The following SORBS2 variants were observed in gnomAD, a reference collection of about 807,000 sequenced individuals.
SORBS2 encodes sorbin and SH3 domain containing 2.
A neutral mutation model predicts 97.7 loss-of-function variants in SORBS2; 46 were observed. The ratio of observed to expected loss-of-function variants is 0.47; its 90% CI spans 0.37 to 0.60. SORBS2 has a LOEUF of 0.60. Among genes scored for constraint, SORBS2 ranks in the 20% least tolerant of loss-of-function variants. The pLI, the probability that SORBS2 is intolerant of heterozygous loss-of-function variation, is 0.00. For missense variants in SORBS2, 1,316 were observed against 1,282.3 expected (o/e 1.03, Z -0.40); for synonymous variants, 476 against 473.4 (o/e 1.01, Z -0.07).
chr4:185,623,160 C>A lies in SORBS2; in HGVS notation c.1969G>T (p.Asp657Tyr). The A allele has an allele frequency of 1.2e-6, 2 of 1,614,104 alleles. No homozygotes were observed. Among genetic ancestry groups the A allele is most frequent in the Non-Finnish European group, 1.7e-6 (2 of 1,180,026 alleles). ...ATGAGGCGGTGCAGGATGCTGTTGTCCGGCAAGCTCCCCCTTTTCTTTTCA... is the reference window on the plus strand; with the variant it reads ...ATGAGGCGGTGCAGGATGCTGTTGTACGGCAAGCTCCCCCTTTTCTTTTCA... The change falls in exon 7 of 15, where the codon GAC becomes TAC. Residue 657 changes from aspartate (D) to tyrosine (Y), a missense_variant. By Grantham distance (160) the Asp-to-Tyr change is radical (BLOSUM62 -3). Coordinates refer to ENST00000418609, the Ensembl canonical transcript of SORBS2. This position sits in a 1 kb window ranked among gnomAD's most constrained non-coding sequence, Gnocchi z 6.4.
At chr4:185,680,390 G>A (rs2097852225) in intron 2 of SORBS2, among the ~76,000 whole-genome samples, 1 of 152,068 alleles carries the variant, frequency 6.6e-6, no homozygotes, top group Non-Finnish European at 1.5e-5. Context: ...AATACAGTTT[G>A]ACAAAAAATA....
At chr4:185,825,204 T>C (rs1163986979) in intron 1 of SORBS2, among the ~76,000 whole-genome samples, 1 of 82,408 alleles carries the variant, frequency 1.2e-5, no homozygotes, top group East Asian at 2.3e-4. Flanking sequence ...CATTTTGTTC[T>C]GTTTTTTGTT....
At chr4:185,739,677 C>G (rs2098710447) in intron 2 of SORBS2, among the ~76,000 whole-genome samples, 1 of 152,098 alleles carries the variant, frequency 6.6e-6, no homozygotes, top group Non-Finnish European at 1.5e-5. Context: ...TTTTTAAAAT[C>G]TAAAAATGCA....
intron 1 of SORBS2, among the ~76,000 whole-genome samples, chr4:185,842,901 C>G (rs1279404557): frequency 2.1e-5 from 3 of 144,978 alleles, no homozygotes; most frequent in Non-Finnish European, 4.5e-5. Flanking sequence ...CACCACTGTA[C>G]TCCAGCCTGG....
intron 1 of SORBS2, among the ~76,000 whole-genome samples, chr4:185,911,765 G>A (rs1236841479): frequency 2.6e-5 from 4 of 152,268 alleles, no homozygotes; most frequent in Admixed American, 2.6e-4. Context: ...TTTATGTCAG[G>A]TCCACAGATG....
chr4:185,586,776 GATAA>G (rs1180432040), exon 15 of SORBS2: 3 of 152,424 alleles, frequency 2.0e-5, no homozygotes, highest in African/African-American at 7.3e-5. Flanking sequence ...CATTTTTTCA[GATAA>G]ATAAAACACT....
intron 1 of SORBS2, among the ~76,000 whole-genome samples, chr4:185,654,780 A>G (rs2153464190): frequency 6.8e-6 from 1 of 148,094 alleles, no homozygotes; most frequent in Middle Eastern, 3.5e-3. Context: ...TTTTGCATGA[A>G]AAATAGCTAC....
chr4:185,742,095 T>G (rs2153586436), intron 2 of SORBS2, among the ~76,000 whole-genome samples: 1 of 152,374 alleles, frequency 6.6e-6, no homozygotes, highest in East Asian at 1.9e-4. Flanking sequence ...GCTTGTTTTC[T>G]CTGCTAATTC....
At chr4:185,768,690 C>T (rs971373328) in intron 2 of SORBS2, among the ~76,000 whole-genome samples, 1 of 126,760 alleles carries the variant, frequency 7.9e-6, no homozygotes, top group Non-Finnish European at 1.6e-5. Context: ...CAGAGTGAGA[C>T]TCTGTCTCAA....
chr4:185,933,149 G>A (rs2099267272), intron 1 of SORBS2: 2 of 152,182 alleles, frequency 1.3e-5, no homozygotes. Context: ...CTCAAGGGAG[G>A]TCTGAGTCAC....
At chr4:185,890,345 T>A (rs1020971403) in intron 1 of SORBS2, among the ~76,000 whole-genome samples, 9 of 152,206 alleles carry the variant, frequency 5.9e-5, no homozygotes, top group African/African-American at 2.2e-4. Context: ...GGCTAACATC[T>A]ATGGAATTCT....
At chr4:185,785,414 C>A (rs562052356) in intron 1 of SORBS2, among the ~76,000 whole-genome samples, 16 of 152,240 alleles carry the variant, frequency 1.1e-4, no homozygotes, top group South Asian at 4.1e-4. Flanking sequence ...GATTAAGTAT[C>A]ATGAATGGAA....
intron 1 of SORBS2, among the ~76,000 whole-genome samples, chr4:185,850,531 A>G (rs2099217255): frequency 6.6e-6 from 1 of 152,144 alleles, no homozygotes; most frequent in African/African-American, 2.4e-5. Context: ...CCTACATCAA[A>G]ATAGGGACTT....
At chr4:185,757,189 G>T in intron 2 of SORBS2, 1 of 343,854 alleles carries the variant, frequency 2.9e-6, no homozygotes, top group Non-Finnish European at 5.5e-6. Flanking sequence ...CACTTCTTTG[G>T]ATCTCAGTGG....
intron 4 of SORBS2, among the ~76,000 whole-genome samples, chr4:185,642,353 T>A (rs74830690): frequency 0.035 from 5,367 of 151,224 alleles, 120 homozygotes; most frequent in African/African-American, 0.051. Context: ...TTTCATATAT[T>A]TTTTTTTTAC....
chr4:185,858,710 A>C (rs902156635), intron 1 of SORBS2, among the ~76,000 whole-genome samples: 1 of 152,232 alleles, frequency 6.6e-6, no homozygotes, highest in Non-Finnish European at 1.5e-5. Context: ...ATCTACTTTT[A>C]AACATAAAAC....
chr4:185,885,411 T>C (rs879899858), intron 1 of SORBS2, among the ~76,000 whole-genome samples: 1 of 152,232 alleles, frequency 6.6e-6, no homozygotes, highest in Non-Finnish European at 1.5e-5. Flanking sequence ...AAGGCTTAAC[T>C]CAGAGTGCAG....
chr4:185,674,634 GCCT>G (rs2097767088), intron 4 of SORBS2, among the ~76,000 whole-genome samples: 1 of 151,976 alleles, frequency 6.6e-6, no homozygotes. Context: ...GGCTTATAAG[GCCT>G]CCTGTCATCT....
At chr4:185,814,935 G>A (rs550565986) in intron 1 of SORBS2, among the ~76,000 whole-genome samples, 39 of 152,192 alleles carry the variant, frequency 2.6e-4, no homozygotes, top group Non-Finnish European at 4.4e-4. Context: ...GGTCCCTGAC[G>A]TTTATTCTCC....
Sources: gnomAD v4.1 joint callset for allele counts (sites outside exome capture counted in the v4.1 genomes callset) on GRCh38, gnomAD v4.1.1 for gene constraint, Gnocchi (gnomAD v3.1) non-coding constraint, MANE v1.5 for transcripts, NCBI Gene and HGNC (gene_info 2026-07-23, HGNC 2026-07-21) for gene names.